Variants in NUP155 observed in about 807,000 individuals in gnomAD.
The protein encoded by NUP155 is nucleoporin 155.
A neutral mutation model predicts 180.4 loss-of-function variants in NUP155; 71 were observed. The ratio of observed to expected loss-of-function variants is 0.39; its 90% CI spans 0.33 to 0.48. The LOEUF is 0.48. Ranked by LOEUF, NUP155 falls within the 20% of genes least tolerant of loss-of-function variation. The pLI is 0.91. For missense variants in NUP155, 1,553 were observed against 1,648.9 expected, an observed-to-expected ratio of 0.94 and a Z score of 1.01; for synonymous variants, 582 against 559.5, an observed-to-expected ratio of 1.04 and a Z score of -0.57.
intron 32 of NUP155, among the ~76,000 whole-genome samples, chr5:37,295,699 G>GCGA (rs1742502408): frequency 6.7e-6 from 1 of 148,774 alleles, no homozygotes; most frequent in Non-Finnish European, 1.5e-5. Context: ...CTGCCCTGTC[G>GCGA]CCCCGTCCGG....
chr5:37,315,573 A>C (rs1012561064), intron 21 of NUP155, among the ~76,000 whole-genome samples: 1 of 143,990 alleles, frequency 6.9e-6, no homozygotes. Context: ...CTATATATAA[A>C]AGGACAGAAA....
intron 1 of NUP155, among the ~76,000 whole-genome samples, chr5:37,367,951 T>A (rs1747709597): frequency 6.6e-6 from 1 of 152,112 alleles, no homozygotes; most frequent in South Asian, 2.1e-4. Context: ...ACCCAGCTAA[T>A]TTTTGTATTT....
chr5:37,369,806 C>A (rs1030127469), intron 1 of NUP155, among the ~76,000 whole-genome samples: 2 of 152,154 alleles, frequency 1.3e-5, no homozygotes, highest in Non-Finnish European at 2.9e-5. Context: ...ACAATCTTTT[C>A]TTTCTTACAC....
chr5:37,297,959 T>C (rs1275816809), intron 32 of NUP155, among the ~76,000 whole-genome samples: 10 of 147,522 alleles, frequency 6.8e-5, no homozygotes, highest in Non-Finnish European at 5.9e-5. Flanking sequence ...AAAATTAGGC[T>C]GGGCACAGTG....
chr5:37,334,895 C>T (rs1745218515), intron 12 of NUP155, among the ~76,000 whole-genome samples: 1 of 152,062 alleles, frequency 6.6e-6, no homozygotes, highest in African/African-American at 2.4e-5. Flanking sequence ...CGAGGTGGCT[C>T]ACGCCTATAA....
Position 37,326,109 on chromosome 5 carries a change from G to A in NUP155, c.2025-142C>T, listed in dbSNP as rs1275207906. 10 of 658,492 alleles carry A rather than the reference G, an allele frequency of 1.5e-5. No individual in the cohort carries two copies. In the East Asian group the frequency reaches 2.4e-4, roughly 16 times the overall value. The allele number at this position is 658,492 out of a possible 1,614,324, so 40.8% of individuals were successfully genotyped here. Reference sequence around the variant, plus strand: ...ATTTAACATTTTACTAAGCTATCTAGAAGAGTGGAATACTAGAAAATTTTC... The same window carrying A: ...ATTTAACATTTTACTAAGCTATCTAAAAGAGTGGAATACTAGAAAATTTTC... On this transcript the variant is annotated intron_variant, in intron 18 of 34. Transcript: ENST00000231498.
chr5:37,334,780 A>G (rs899251508), intron 12 of NUP155, among the ~76,000 whole-genome samples: 3 of 152,216 alleles, frequency 2.0e-5, no homozygotes, highest in African/African-American at 4.8e-5. Flanking sequence ...TCTTTAATAA[A>G]ATTATAATTC....
chr5:37,317,010 A>AAG (rs1743929258), intron 21 of NUP155, among the ~76,000 whole-genome samples: 1 of 149,790 alleles, frequency 6.7e-6, no homozygotes, highest in African/African-American at 2.5e-5. Flanking sequence ...AAAAATACAA[A>AAG]AAAAAAAAAT....
intron 11 of NUP155, among the ~76,000 whole-genome samples, chr5:37,340,459 C>A (rs1162167727): frequency 6.6e-6 from 1 of 151,632 alleles, no homozygotes; most frequent in African/African-American, 2.4e-5. Flanking sequence ...AAAAAAAGAT[C>A]AAAGTTGGAA....
intron 7 of NUP155, 137 bp downstream of exon 7, chr5:37,350,023 A>C (rs1746355963): frequency 1.4e-6 from 1 of 706,664 alleles, no homozygotes; most frequent in Non-Finnish European, 2.5e-6. Context: ...CCTTTAAAAG[A>C]CCTTATGAAT....
chr5:37,310,130 A>G (rs76582230), intron 23 of NUP155, among the ~76,000 whole-genome samples: 5,406 of 152,206 alleles, frequency 0.036, 125 homozygotes, highest in South Asian at 0.08. Flanking sequence ...CTTGAAGCCA[A>G]GAGTTCAAGA....
At chr5:37,306,054 G>A (rs1187546997) in intron 25 of NUP155, among the ~76,000 whole-genome samples, 1 of 152,090 alleles carries the variant, frequency 6.6e-6, no homozygotes, top group Admixed American at 6.6e-5. Context: ...AGAAGTGTTT[G>A]GTTAAACATT....
At position 37,364,330 on chromosome 5, in the gene NUP155, C is replaced by G; in HGVS notation, c.212G>C (p.Gly71Ala). The G allele has an allele frequency of 6.2e-7, 1 of 1,611,412 alleles. No individual in the cohort carries two copies. ...SDMDYPLQGP[G>A]LLSVPNLPEI... ...TGGAAGGTTGGGTACGGACAGCAAA[C>G]CAGGTCCTTGCAAAGGATAATCCAT... The change falls in exon 2 of 35, where the codon GGT becomes GCT. Residue 71 changes from glycine (G) to alanine (A), a missense_variant. By Grantham distance (60) the Gly-to-Ala change is moderately conservative. Coordinates refer to ENST00000231498, the MANE Select transcript of NUP155 (RefSeq NM_153485.3).
At chr5:37,341,306 T>G in intron 10 of NUP155, 64 bp from the exon 11 acceptor site, 1 of 1,366,828 alleles carries the variant, frequency 7.3e-7, no homozygotes, top group Non-Finnish European at 1.0e-6. Flanking sequence ...AATGTGTTAT[T>G]GAAGCAATTA....
Position 37,371,060 on chromosome 5 carries a change from C to A in NUP155, c.-83G>T. 6.7e-7 allele frequency: 1 copy of A among 1,493,276 alleles called. No individual in the cohort carries two copies. Among genetic ancestry groups the A allele is most frequent in the Non-Finnish European group, 9.2e-7 (1 of 1,088,530 alleles). 92.5% of individuals were successfully genotyped at this position (1,493,276 alleles called of 1,614,324 possible). ...AAAGATCCAAGAAGTTAGCTTAGAT[C>A]CGCCGCCTAGGGCGCGCGCGCCAAA... On this transcript the variant is annotated 5_prime_UTR_variant, in exon 1 of 35. Transcript: ENST00000231498.
chr5:37,315,413 T>C (rs1743821640), intron 21 of NUP155, among the ~76,000 whole-genome samples: 1 of 152,258 alleles, frequency 6.6e-6, no homozygotes, highest in Admixed American at 6.5e-5. Flanking sequence ...TGCCTTGCTC[T>C]TTCCTTACTT....
Position 37,291,886 on chromosome 5 carries a change from G to A in NUP155, c.*14C>T. 1 of 1,612,422 alleles carries A rather than the reference G, an allele frequency of 6.2e-7. No individual in the cohort carries two copies. Among genetic ancestry groups the A allele is most frequent in the Non-Finnish European group, 8.5e-7 (1 of 1,178,578 alleles). On this transcript the variant is annotated 3_prime_UTR_variant, in exon 35 of 35. Coordinates refer to ENST00000231498, the MANE Select transcript of NUP155 (RefSeq NM_153485.3). Reference sequence around the variant, plus strand: ...TTTACAGATCATAAAACGGATGAAAGTATATCACAGTAATTAATGAAGCCG... The same window carrying A: ...TTTACAGATCATAAAACGGATGAAAATATATCACAGTAATTAATGAAGCCG...
chr5:37,350,037 T>C (rs946490788), intron 7 of NUP155, 123 bp downstream of exon 7: 1 of 748,910 alleles, frequency 1.3e-6, no homozygotes, highest in Non-Finnish European at 2.4e-6. Context: ...TATGAATATA[T>C]AAGAAATGCT....
At chr5:37,359,372 T>C (rs1002885886) in intron 3 of NUP155, among the ~76,000 whole-genome samples, 5 of 151,714 alleles carry the variant, frequency 3.3e-5, no homozygotes, top group Admixed American at 1.3e-4. Context: ...CATCAAGTAA[T>C]AGCAATCTAC....
Sources: allele counts gnomAD v4.1 joint callset (sites outside exome capture counted in the v4.1 genomes callset), GRCh38; gene constraint gnomAD v4.1.1; transcripts MANE v1.5; gene names NCBI Gene and HGNC (gene_info 2026-07-23, HGNC 2026-07-21).